The following SLX4IP variants were observed in gnomAD, a reference collection of about 807,000 sequenced individuals.
The protein encoded by SLX4IP is SLX4 interacting protein, also known as protein SLX4IP.
SLX4IP carries 34 observed loss-of-function variants against 32.9 expected under a neutral mutation model. The observed-to-expected ratio is 1.03, with a 90% CI of 0.79 to 1.38. The LOEUF (loss-of-function observed/expected upper bound fraction) is 1.38. Among genes scored for constraint, SLX4IP ranks in the 40% most tolerant of loss-of-function variants. The probability of loss-of-function intolerance (pLI) is 0.00; values close to 1 mark genes in which losing one functional copy is unlikely to be tolerated. For synonymous variants in SLX4IP, 172 were observed against 171.7 expected, an observed-to-expected ratio of 1.00 and a Z score of -0.01; for missense variants, 444 against 479.0, an observed-to-expected ratio of 0.93 and a Z score of 0.68.
chr20:10,442,476 G>T (rs557452262), intron 1 of SLX4IP, among the ~76,000 whole-genome samples: 69 of 152,328 alleles, frequency 4.5e-4, no homozygotes, highest in African/African-American at 1.6e-3. Flanking sequence ...AGGCCTGAGA[G>T]AGTGGACTCA....
At chr20:10,587,693 CAT>C (rs993336175) in intron 4 of SLX4IP, among the ~76,000 whole-genome samples, 70 of 152,248 alleles carry the variant, frequency 4.6e-4, no homozygotes, top group Middle Eastern at 3.4e-3. Context: ...GAAATAAACT[CAT>C]GTGTATATGG....
chr20:10,603,006 T>G lies in SLX4IP; in HGVS notation c.405+1187T>G, dbSNP rs1233037236. Among the ~76,000 whole-genome samples the G allele has an allele frequency of 2.6e-5, 4 of 152,216 alleles. No individual in the cohort carries two copies. The East Asian group carries it at 7.7e-4, about 29-fold the overall frequency. On this transcript the variant is annotated intron_variant, in intron 6 of 7. Transcript: ENST00000334534. Reference sequence around the variant, plus strand: ...ATACACATTAAATGAATGAGGCAAATTTGGTGAAAAGTATTAAGTTTGTCC... The same window carrying G: ...ATACACATTAAATGAATGAGGCAAAGTTGGTGAAAAGTATTAAGTTTGTCC...
chr20:10,534,060 G>C (rs1192247967), intron 2 of SLX4IP, among the ~76,000 whole-genome samples: 1 of 152,148 alleles, frequency 6.6e-6, no homozygotes, highest in East Asian at 1.9e-4. Flanking sequence ...GTGGAGCACA[G>C]AGTTTTGTCT....
At chr20:10,513,703 AG>A (rs1313632014) in intron 2 of SLX4IP, among the ~76,000 whole-genome samples, 1 of 152,192 alleles carries the variant, frequency 6.6e-6, no homozygotes, top group Non-Finnish European at 1.5e-5. Flanking sequence ...GCTGGGCCCA[AG>A]GGCTAGAAGG....
intron 2 of SLX4IP, among the ~76,000 whole-genome samples, chr20:10,550,938 C>T (rs540418254): frequency 6.6e-6 from 1 of 152,326 alleles, no homozygotes; most frequent in South Asian, 2.1e-4. Flanking sequence ...TGCTGCCCCT[C>T]CCTCTCTCAG....
intron 2 of SLX4IP, among the ~76,000 whole-genome samples, chr20:10,542,055 G>A (rs2066113221): frequency 6.6e-6 from 1 of 152,182 alleles, no homozygotes; most frequent in Non-Finnish European, 1.5e-5. Flanking sequence ...GGAAGCCAAT[G>A]GTGCATTGGA....
At chr20:10,550,924 C>A (rs1029988623) in intron 2 of SLX4IP, among the ~76,000 whole-genome samples, 28 of 152,312 alleles carry the variant, frequency 1.8e-4, no homozygotes, top group South Asian at 1.2e-3. Flanking sequence ...CCACAGTGCC[C>A]AGCTGCTGCC....
chr20:10,487,698 C>T (rs2065586896), intron 2 of SLX4IP, among the ~76,000 whole-genome samples: 1 of 152,170 alleles, frequency 6.6e-6, no homozygotes, highest in South Asian at 2.1e-4. Context: ...TGTTTCTTTT[C>T]CAGGCATGCT....
intron 1 of SLX4IP, among the ~76,000 whole-genome samples, chr20:10,440,003 C>T (rs2065147550): frequency 6.6e-6 from 1 of 152,096 alleles, no homozygotes. Context: ...TTGAATAAAT[C>T]AGAGGTGGTT....
chr20:10,597,287 G>A (rs1471849613), intron 4 of SLX4IP, among the ~76,000 whole-genome samples: 3 of 152,322 alleles, frequency 2.0e-5, no homozygotes, highest in South Asian at 4.1e-4. Flanking sequence ...CACTCTGGTG[G>A]AGCTTTTGCT....
intron 4 of SLX4IP, among the ~76,000 whole-genome samples, chr20:10,566,609 G>C (rs1474335280): frequency 6.6e-6 from 1 of 152,122 alleles, no homozygotes; most frequent in African/African-American, 2.4e-5. Context: ...AGCCTATATT[G>C]CATCCCTTAG....
At chr20:10,534,088 G>C (rs1436447409) in intron 2 of SLX4IP, among the ~76,000 whole-genome samples, 1 of 152,140 alleles carries the variant, frequency 6.6e-6, no homozygotes, top group Non-Finnish European at 1.5e-5. Flanking sequence ...GGCAGGGTGA[G>C]GGTGGTGGGT....
At chr20:10,517,890 C>T (rs557267746) in intron 2 of SLX4IP, among the ~76,000 whole-genome samples, 2 of 152,212 alleles carry the variant, frequency 1.3e-5, no homozygotes, top group African/African-American at 4.8e-5. Flanking sequence ...AAGTTCCTTC[C>T]AGAAGGAAAA....
At chr20:10,574,860 A>T (rs2066507042) in intron 4 of SLX4IP, among the ~76,000 whole-genome samples, 1 of 152,016 alleles carries the variant, frequency 6.6e-6, no homozygotes, top group African/African-American at 2.4e-5. Flanking sequence ...TTTAGTAGAG[A>T]CGGGGTTTCT....
intron 2 of SLX4IP, among the ~76,000 whole-genome samples, chr20:10,493,841 T>C (rs1272156594): frequency 2.0e-5 from 3 of 150,744 alleles, no homozygotes; most frequent in African/African-American, 7.3e-5. Flanking sequence ...TTTACTGAAG[T>C]GTTTTTTTTA....
At chr20:10,452,668 A>C in intron 1 of SLX4IP, among the ~76,000 whole-genome samples, 2 of 88,342 alleles carry the variant, frequency 2.3e-5, no homozygotes, top group Non-Finnish European at 5.0e-5. Flanking sequence ...CTGTCTCAAA[A>C]AAAAAAAAAA....
chr20:10,614,983 C>A (rs1315718340), intron 6 of SLX4IP, among the ~76,000 whole-genome samples: 1 of 152,074 alleles, frequency 6.6e-6, no homozygotes, highest in Admixed American at 6.5e-5. Context: ...ATATTTTTTA[C>A]ATTGATCACG....
intron 2 of SLX4IP, among the ~76,000 whole-genome samples, chr20:10,551,638 GAAAT>G (rs1219169409): frequency 6.6e-6 from 1 of 152,144 alleles, no homozygotes; most frequent in African/African-American, 2.4e-5. Context: ...ACTTAATGTA[GAAAT>G]AAATAATCAC....
chr20:10,481,401 T>C (rs1161133385), intron 2 of SLX4IP, among the ~76,000 whole-genome samples: 1 of 152,220 alleles, frequency 6.6e-6, no homozygotes, highest in Non-Finnish European at 1.5e-5. Flanking sequence ...TCTTAAGTTG[T>C]CTTCTTCAGG....
Sources: allele counts gnomAD v4.1 joint callset (sites outside exome capture counted in the v4.1 genomes callset), GRCh38; gene constraint gnomAD v4.1.1; transcripts MANE v1.5; gene names NCBI Gene and HGNC (gene_info 2026-07-23, HGNC 2026-07-21).